Variants in GALNT18 observed in about 807,000 individuals in gnomAD.
GALNT18 encodes GalNAc-transferase 18.
Under a neutral mutation model 69.5 loss-of-function variants are expected in GALNT18, and 44 were observed. The ratio of observed to expected loss-of-function variants is 0.63; its 90% CI spans 0.50 to 0.81. The LOEUF (loss-of-function observed/expected upper bound fraction) is 0.81. Among genes scored for constraint, GALNT18 ranks in the 40% least tolerant of loss-of-function variants. The pLI, the probability that GALNT18 is intolerant of heterozygous loss-of-function variation, is 0.00. For synonymous variants in GALNT18, 364 were observed against 318.2 expected, an observed-to-expected ratio of 1.14 and a Z score of -1.53; for missense variants, 715 against 810.0, an observed-to-expected ratio of 0.88 and a Z score of 1.42.
chr11:11,612,039 G>A (rs887392157), intron 1 of GALNT18, among the ~76,000 whole-genome samples: 3 of 152,028 alleles, frequency 2.0e-5, no homozygotes, highest in Middle Eastern at 6.3e-3. Flanking sequence ...TCCTCTCTAC[G>A]AGAAACATTC....
At chr11:11,531,739 G>A (rs935273462) in intron 1 of GALNT18, among the ~76,000 whole-genome samples, 1 of 152,160 alleles carries the variant, frequency 6.6e-6, no homozygotes, top group Non-Finnish European at 1.5e-5. Flanking sequence ...GCCAGCCCTA[G>A]GTGTAACAAG....
intron 3 of GALNT18, among the ~76,000 whole-genome samples, chr11:11,393,597 G>A (rs1038693123): frequency 4.6e-5 from 7 of 152,230 alleles, no homozygotes; most frequent in Admixed American, 3.9e-4. Context: ...ACCAAAGGCA[G>A]AGACCCGTGT....
chr11:11,423,556 T>C (rs578232588), intron 3 of GALNT18, among the ~76,000 whole-genome samples: 1 of 152,292 alleles, frequency 6.6e-6, no homozygotes, highest in South Asian at 2.1e-4. Context: ...CAGGCAAAGC[T>C]TGAGGCTAGG....
intron 6 of GALNT18, among the ~76,000 whole-genome samples, chr11:11,363,751 T>G (rs537804216): frequency 6.6e-6 from 1 of 152,192 alleles, no homozygotes; most frequent in African/African-American, 2.4e-5. Flanking sequence ...GCAATGAGCA[T>G]GCCCAGTGCC....
At chr11:11,412,520 C>T (rs1274226771) in intron 3 of GALNT18, among the ~76,000 whole-genome samples, 5 of 152,218 alleles carry the variant, frequency 3.3e-5, no homozygotes, top group Non-Finnish European at 5.9e-5. Flanking sequence ...GCCCCAGGTT[C>T]TAAGCACTGT....
At chr11:11,502,235 G>C (rs148685429) in intron 1 of GALNT18, among the ~76,000 whole-genome samples, 2,635 of 152,266 alleles carry the variant, frequency 0.017, 43 homozygotes, top group Non-Finnish European at 0.027. Flanking sequence ...TGCGCTCCTG[G>C]GGCCCCTTGC....
At chr11:11,514,013 G>C (rs903383733) in intron 1 of GALNT18, among the ~76,000 whole-genome samples, 4 of 152,218 alleles carry the variant, frequency 2.6e-5, no homozygotes, top group African/African-American at 9.6e-5. Context: ...GAAGCCACTG[G>C]GAGTGAGGGG....
intron 3 of GALNT18, among the ~76,000 whole-genome samples, chr11:11,381,416 A>C (rs4531461): frequency 0.26 from 39,901 of 151,878 alleles, 6,015 homozygotes; most frequent in Middle Eastern, 0.4. Flanking sequence ...CTCCCTCCTC[A>C]ACCCTCAGGT....
At chr11:11,362,160 C>T (rs535069034) in intron 6 of GALNT18, among the ~76,000 whole-genome samples, 1 of 152,160 alleles carries the variant, frequency 6.6e-6, no homozygotes, top group South Asian at 2.1e-4. Context: ...TTCCTCACAC[C>T]AAACTGCAGG....
At chr11:11,490,227 T>TAACACA (rs879361945) in intron 1 of GALNT18, among the ~76,000 whole-genome samples, 1,033 of 74,206 alleles carry the variant, frequency 0.014, 3 homozygotes, top group African/African-American at 0.019. Flanking sequence ...TCTCTCTCTC[T>TAACACA]CTCTCTAACA....
chr11:11,377,262 G>T lies in GALNT18; in HGVS notation c.897C>A (p.Gly299=), dbSNP rs1232283084. Residue 299 remains glycine (G), a synonymous_variant, in exon 5 of 11, where the codon GGC becomes GGA. Transcript: ENST00000227756. The surrounding 1 kb of genome is among the most constrained non-coding windows in gnomAD (Gnocchi z 4.6). The part of the protein sequence containing the change: ...EIEEYPLAAQ[G]FDWELWCRYL... Reference sequence around the variant, plus strand: ...AGCGGCACCACAGCTCCCAGTCAAAGCCCTGGGCAGCCAGCGGGTACTCTT... The same window carrying T: ...AGCGGCACCACAGCTCCCAGTCAAATCCCTGGGCAGCCAGCGGGTACTCTT... 2 of 1,613,920 alleles carry T rather than the reference G, an allele frequency of 1.2e-6. No individual in the cohort carries two copies. The highest frequency in any genetic ancestry group is 2.7e-5 in the African/African-American group (2 of 74,926).
At position 11,469,634 on chromosome 11, in the gene GALNT18, A is replaced by G. The variant is rs1856229336; in HGVS notation, c.236-20698T>C. On this transcript the variant is annotated intron_variant, in intron 1 of 10. Transcript: ENST00000227756. This position sits in a 1 kb window ranked among gnomAD's most constrained non-coding sequence, Gnocchi z 4.2. ...GGCTGTGAGCTCTCTGAAAGCAAGGATCATCCATGCCCTTGTCAGCTGAGG... is the reference window on the plus strand; with the variant it reads ...GGCTGTGAGCTCTCTGAAAGCAAGGGTCATCCATGCCCTTGTCAGCTGAGG... Among the ~76,000 whole-genome samples the G allele has an allele frequency of 6.6e-6, 1 of 152,186 alleles. No homozygotes were observed. Among genetic ancestry groups the G allele is most frequent in the Non-Finnish European group, 1.5e-5 (1 of 68,026 alleles).
chr11:11,569,247 G>GA (rs11426572), intron 1 of GALNT18, among the ~76,000 whole-genome samples: 22,030 of 136,030 alleles, frequency 0.16, 2,079 homozygotes, highest in East Asian at 0.28. Context: ...AGGCTGAAGG[G>GA]AAAAAAAAAA....
chr11:11,513,904 A>G (rs901655016), intron 1 of GALNT18, among the ~76,000 whole-genome samples: 1 of 152,184 alleles, frequency 6.6e-6, no homozygotes, highest in Non-Finnish European at 1.5e-5. Context: ...ACTTCTAGGA[A>G]AAAAGGCACA....
chr11:11,432,803 A>G lies in GALNT18; in HGVS notation c.429-16T>C. Reference sequence around the variant, plus strand: ...GTTACGGCACCTGCAAAGAACAGCCAAGCGCTTAGATTTGTGACTCAGCTG... The same window carrying G: ...GTTACGGCACCTGCAAAGAACAGCCGAGCGCTTAGATTTGTGACTCAGCTG... On this transcript the variant is annotated splice_polypyrimidine_tract_variant and intron_variant, in intron 2 of 10. Coordinates refer to ENST00000227756, the MANE Select transcript of GALNT18 (RefSeq NM_198516.3). This position sits in a 1 kb window ranked among gnomAD's most constrained non-coding sequence, Gnocchi z 5.8. 1.9e-6 allele frequency: 3 copies of G among 1,609,416 alleles called. No individual in the cohort carries two copies. Among genetic ancestry groups the G allele is most frequent in the Middle Eastern group, 1.7e-4 (1 of 6,054 alleles).
intron 1 of GALNT18, among the ~76,000 whole-genome samples, chr11:11,452,685 C>G (rs1462477212): frequency 6.6e-6 from 1 of 152,184 alleles, no homozygotes; most frequent in Non-Finnish European, 1.5e-5. Flanking sequence ...GGCAAAGAGG[C>G]CTCAGAGAAG....
chr11:11,377,787 G>C lies in GALNT18; in HGVS notation c.780-408C>G, dbSNP rs1167265955. On this transcript the variant is annotated intron_variant, in intron 4 of 10. Transcript: ENST00000227756. The surrounding 1 kb of genome is among the most constrained non-coding windows in gnomAD (Gnocchi z 4.6). ...TTGCTAAAATTCTATGTGTCAACCT[G>C]GAGGAAAAGACAGATGAGGATGGCA... 2.0e-5 allele frequency among the ~76,000 whole-genome samples: 3 copies of C among 152,188 alleles called. No homozygotes were observed. Among genetic ancestry groups the C allele is most frequent in the African/African-American group, 7.2e-5 (3 of 41,440 alleles).
chr11:11,274,283 G>GTT (rs1848889606), intron 10 of GALNT18, among the ~76,000 whole-genome samples: 1 of 150,578 alleles, frequency 6.6e-6, no homozygotes. Flanking sequence ...AGCTGCAGGA[G>GTT]TTTTTGTTTT....
At position 11,387,380 on chromosome 11, in the gene GALNT18, G is replaced by A. The variant is rs1854082384; in HGVS notation, c.596-8116C>T. 1.3e-5 allele frequency among the ~76,000 whole-genome samples: 2 copies of A among 151,978 alleles called. No individual in the cohort carries two copies. Among genetic ancestry groups the A allele is most frequent in the Non-Finnish European group, 1.5e-5 (1 of 67,988 alleles). On this transcript the variant is annotated intron_variant, in intron 3 of 10. Coordinates refer to ENST00000227756, the MANE Select transcript of GALNT18 (RefSeq NM_198516.3). The surrounding 1 kb of genome is among the most constrained non-coding windows in gnomAD (Gnocchi z 4.6). ...GGCTCAATGCTGCTCCTCAAAGCCC[G>A]GCCTGGATTATACCTTTGCCACCCC... is the stretch of plus-strand genomic sequence containing the variant.
Sources: gnomAD v4.1 joint callset for allele counts (sites outside exome capture counted in the v4.1 genomes callset) on GRCh38, gnomAD v4.1.1 for gene constraint, Gnocchi (gnomAD v3.1) non-coding constraint, MANE v1.5 for transcripts, NCBI Gene and HGNC (gene_info 2026-07-23, HGNC 2026-07-21) for gene names.